Variants in AS3MT observed in about 807,000 individuals in gnomAD.
The protein encoded by AS3MT is S-adenosyl-L-methionine:arsenic(III) methyltransferase.
In AS3MT, 47 loss-of-function variants were observed where a neutral mutation model predicts 45.3. That is an observed-to-expected ratio of 1.04 (90% CI 0.82 to 1.32). The LOEUF is 1.32. AS3MT is among the 40% of genes most tolerant of loss of function. The pLI is 0.00. For missense variants in AS3MT, 396 were observed against 451.1 expected, an observed-to-expected ratio of 0.88 and a Z score of 1.11; for synonymous variants, 141 against 152.8, an observed-to-expected ratio of 0.92 and a Z score of 0.57.
chr10:102,898,526 G>GTTGCAGTGAGCCAAGATCGTGCCAC, intron 10 of AS3MT, among the ~76,000 whole-genome samples: 1 of 152,150 alleles, frequency 6.6e-6, no homozygotes, highest in East Asian at 1.9e-4. Context: ...GGAGGCAGAG[G>GTTGCAGTGAGCCAAGATCGTGCCAC]TTGCAGTGAG....
intron 6 of AS3MT, among the ~76,000 whole-genome samples, chr10:102,876,506 C>G (rs1381013393): frequency 2.6e-5 from 4 of 152,042 alleles, no homozygotes; most frequent in Admixed American, 1.3e-4. Flanking sequence ...TCAAACTGCT[C>G]TCCTCCAGCA....
At chr10:102,872,366 G>A in intron 3 of AS3MT, 82 bp from the exon 4 acceptor site, 1 of 1,412,152 alleles carries the variant, frequency 7.1e-7, no homozygotes. Flanking sequence ...AGGGAGGGAG[G>A]GAGGAGGGAA....
chr10:102,870,558 A>T (rs17883179), intron 3 of AS3MT, among the ~76,000 whole-genome samples: 9 of 152,070 alleles, frequency 5.9e-5, no homozygotes, highest in Admixed American at 5.9e-4. Context: ...TGCGTACTTT[A>T]AAAAAATTGC....
At chr10:102,872,683 A>G in intron 4 of AS3MT, 85 bp downstream of exon 4, 2 of 1,427,714 alleles carry the variant, frequency 1.4e-6, no homozygotes, top group Non-Finnish European at 1.9e-6. Flanking sequence ...GTGGCTCTTC[A>G]AGGATAATTT....
At chr10:102,885,956 C>T (rs969787803) in intron 9 of AS3MT, among the ~76,000 whole-genome samples, 7 of 152,122 alleles carry the variant, frequency 4.6e-5, no homozygotes, top group African/African-American at 9.7e-5. Context: ...CTTGGGCCAC[C>T]GCACCAGGCC....
intron 7 of AS3MT, 145 bp from the exon 8 acceptor site, chr10:102,878,234 G>A: frequency 1.7e-6 from 2 of 1,180,398 alleles, no homozygotes; most frequent in Non-Finnish European, 2.3e-6. Flanking sequence ...CTAGACCTTG[G>A]AGGGATGCTC....
intron 9 of AS3MT, among the ~76,000 whole-genome samples, chr10:102,879,630 G>A (rs187598077): frequency 0.019 from 2,838 of 151,834 alleles, 64 homozygotes; most frequent in South Asian, 0.12. Flanking sequence ...TTAGCCGGGC[G>A]TGGTGGTGGG....
chr10:102,886,277 ATTCC>A (rs1314555636), intron 9 of AS3MT, among the ~76,000 whole-genome samples: 4 of 142,996 alleles, frequency 2.8e-5, no homozygotes, highest in Admixed American at 7.1e-5. Context: ...TCTTTCCTTC[ATTCC>A]TTCCTTCCTC....
chr10:102,877,147 G>A, intron 7 of AS3MT, 112 bp downstream of exon 7: 2 of 998,282 alleles, frequency 2.0e-6, no homozygotes, highest in Non-Finnish European at 3.1e-6. Flanking sequence ...GTTAGGCCAT[G>A]AGGCCAAGGT....
rs540490419 is a variant in AS3MT, at chr10:102,875,347, C to T, written c.528+686C>T. ...CAAAAATTAGCTGGGTGTGGTGGTG[C>T]GTGCCTGTAATCCCAGCTCCTCGGG... On this transcript the variant is annotated intron_variant, in intron 6 of 10. Coordinates refer to ENST00000369880, the MANE Select transcript of AS3MT (RefSeq NM_020682.4). Among the ~76,000 whole-genome samples the T allele has an allele frequency of 1.6e-3, 250 of 151,622 alleles. 3 individuals are homozygous for T. The highest frequency in any genetic ancestry group is 5.8e-3 in the African/African-American group (241 of 41,376).
chr10:102,871,320 G>C (rs908694157), intron 3 of AS3MT, among the ~76,000 whole-genome samples: 2 of 151,976 alleles, frequency 1.3e-5, no homozygotes, highest in Non-Finnish European at 1.5e-5. Flanking sequence ...GCCGAGGCGG[G>C]AGGATCACGA....
chr10:102,886,679 AGTGGTGC>A (rs1844963763), intron 9 of AS3MT, among the ~76,000 whole-genome samples: 2 of 151,922 alleles, frequency 1.3e-5, no homozygotes, highest in African/African-American at 4.8e-5. Flanking sequence ...ACTGGAGTGC[AGTGGTGC>A]AATCATGGCT....
At chr10:102,898,076 G>C (rs1845208380) in intron 10 of AS3MT, among the ~76,000 whole-genome samples, 1 of 151,872 alleles carries the variant, frequency 6.6e-6, no homozygotes, top group Non-Finnish European at 1.5e-5. Flanking sequence ...TGTGACCTAG[G>C]AATATAACCT....
chr10:102,871,432 G>T (rs10786718), intron 3 of AS3MT, among the ~76,000 whole-genome samples: 1 of 150,546 alleles, frequency 6.6e-6, no homozygotes, highest in African/African-American at 2.4e-5. Flanking sequence ...CTGTAGTTCC[G>T]GCTGCTGGGG....
intron 6 of AS3MT, 128 bp from the exon 7 acceptor site, chr10:102,876,825 CA>C (rs1844791227): frequency 1.1e-6 from 1 of 899,204 alleles, no homozygotes; most frequent in South Asian, 1.7e-5. Context: ...GCTATTTGTT[CA>C]CAAAGGGTCA....
At chr10:102,895,586 G>C (rs964214986) in intron 10 of AS3MT, among the ~76,000 whole-genome samples, 4 of 152,026 alleles carry the variant, frequency 2.6e-5, no homozygotes, top group Admixed American at 6.5e-5. Context: ...TAAATGCATT[G>C]GTCTCTTAAA....
At chr10:102,894,163 C>T (rs1845122592) in intron 10 of AS3MT, among the ~76,000 whole-genome samples, 1 of 152,028 alleles carries the variant, frequency 6.6e-6, no homozygotes, top group Non-Finnish European at 1.5e-5. Flanking sequence ...CGGTGGCTCA[C>T]ACCTGTAATC....
At position 102,878,352 on chromosome 10, in the gene AS3MT, GGTTTTTTGTTGTTGTTT is replaced by G. The variant is rs763113522; in HGVS notation, c.611-19_611-3del. 2 of 1,609,388 alleles carry G rather than the reference GGTTTTTTGTTGTTGTTT, an allele frequency of 1.2e-6. No individual in the cohort carries two copies. Among genetic ancestry groups the G allele is most frequent in the Non-Finnish European group, 1.7e-6 (2 of 1,178,822 alleles). ...CTGTATTAAGTGTTGGCTGGTCTGT[GGTTTTTTGTTGTTGTTT>G]GTTTTTTAGGTGAGTGTCTGGGTGG... On this transcript the variant is annotated splice_polypyrimidine_tract_variant and intron_variant, in intron 7 of 10. Transcript: ENST00000369880.
In AS3MT at chr10:102,890,615, T is replaced by G. The variant is rs982624494; in HGVS notation, c.957T>G (p.Phe319Leu). 1 of 1,613,036 alleles carries G rather than the reference T, an allele frequency of 6.2e-7. No individual in the cohort carries two copies. Among genetic ancestry groups the G allele is most frequent in the African/African-American group, 1.3e-5 (1 of 74,978 alleles). The change falls in exon 10 of 11, where the codon TTT becomes TTG. Residue 319 changes from phenylalanine to leucine, a missense_variant. Transcript: ENST00000369880. ...AGAATTCAAGATTTGCTCAAGATTT[T>G]CTGATCAGACCAATTGGAGAGAAGT... ...ILKNSRFAQDFLIRPIGEKLP... is the reference protein window; with the variant it reads ...ILKNSRFAQDLLIRPIGEKLP...
Sources: allele counts gnomAD v4.1 joint callset (sites outside exome capture counted in the v4.1 genomes callset), GRCh38; gene constraint gnomAD v4.1.1; transcripts MANE v1.5; gene names NCBI Gene and HGNC (gene_info 2026-07-23, HGNC 2026-07-21).